Variants in ZNF638 observed in about 807,000 individuals in gnomAD.
ZNF638 encodes zinc finger protein 638.
A neutral mutation model predicts 195.6 loss-of-function variants in ZNF638; 46 were observed. The observed-to-expected ratio is 0.24, with a 90% CI of 0.19 to 0.30. The LOEUF is 0.30. Among genes scored for constraint, ZNF638 ranks in the 10% least tolerant of loss-of-function variants. The probability of loss-of-function intolerance (pLI) is 1.00; values close to 1 mark genes in which losing one functional copy is unlikely to be tolerated. For synonymous variants in ZNF638, 845 were observed against 772.0 expected (o/e 1.09, Z -1.57); for missense variants, 2,440 against 2,325.3 (o/e 1.05, Z -1.01).
intron 1 of ZNF638, among the ~76,000 whole-genome samples, chr2:71,340,964 A>G (rs2104112575): frequency 6.6e-6 from 1 of 152,334 alleles, no homozygotes; most frequent in South Asian, 2.1e-4. Flanking sequence ...TCTTTTCCTT[A>G]TAAGTCTGAT....
intron 20 of ZNF638, chr2:71,408,706 G>C: frequency 2.2e-6 from 1 of 448,028 alleles, no homozygotes; most frequent in South Asian, 1.7e-5. Context: ...GCTATGGATA[G>C]TCCACCTTTG....
At chr2:71,333,694 C>T (rs997195877) in intron 1 of ZNF638, among the ~76,000 whole-genome samples, 3 of 152,198 alleles carry the variant, frequency 2.0e-5, no homozygotes, top group Admixed American at 1.3e-4. Flanking sequence ...TCTGGATTCA[C>T]ATCTCCCTTT....
intron 17 of ZNF638, among the ~76,000 whole-genome samples, chr2:71,405,348 T>C (rs2080085594): frequency 6.6e-6 from 1 of 152,244 alleles, no homozygotes; most frequent in Non-Finnish European, 1.5e-5. Context: ...GAATGTCTTT[T>C]CTAAATGGTA....
At chr2:71,372,157 A>T (rs1475820048) in intron 8 of ZNF638, among the ~76,000 whole-genome samples, 1 of 152,108 alleles carries the variant, frequency 6.6e-6, no homozygotes, top group Non-Finnish European at 1.5e-5. Flanking sequence ...GTACCTCCCT[A>T]GGTTACATGC....
In ZNF638 at chr2:71,395,881, G is replaced by A. The variant is rs1168812702; in HGVS notation, c.2378-260G>A. 1.3e-5 allele frequency: 7 copies of A among 541,278 alleles called. No homozygotes were observed. In the East Asian group the frequency reaches 1.9e-4, roughly 15 times the overall value. 33.5% of individuals were successfully genotyped at this position (541,278 alleles called of 1,614,324 possible). ...GGAATAATTCCTATGCTTATGTACTGTTGATGGGAATATTAATTGGTTCAG... is the reference window on the plus strand; with the variant it reads ...GGAATAATTCCTATGCTTATGTACTATTGATGGGAATATTAATTGGTTCAG... On this transcript the variant is annotated intron_variant, in intron 10 of 27. Transcript: ENST00000264447.
At chr2:71,337,625 C>A (rs896129323) in intron 1 of ZNF638, among the ~76,000 whole-genome samples, 1 of 152,092 alleles carries the variant, frequency 6.6e-6, no homozygotes, top group East Asian at 1.9e-4. Context: ...AGGCTGGTCT[C>A]GAACTCCTGA....
rs111236996 is a variant in ZNF638 at position 71,406,082 on chromosome 2, T to C, written c.3001-46T>C. The C allele has an allele frequency of 1.2e-4, 197 of 1,605,976 alleles. 1 individual carries two copies. In the African/African-American group the frequency reaches 2.2e-3, roughly 18 times the overall value. ...AATGTTAATCTGTTTTACCGTTTGT[T>C]GCTTCAGCTGTGGTTTTTTCTGTGC... On this transcript the variant is annotated intron_variant, in intron 18 of 27. Transcript: ENST00000264447.
chr2:71,346,979 G>A (rs1467327977), intron 1 of ZNF638, among the ~76,000 whole-genome samples: 1 of 151,938 alleles, frequency 6.6e-6, no homozygotes, highest in Admixed American at 6.6e-5. Flanking sequence ...AGCCGAGATT[G>A]CGCCATTGGA....
chr2:71,342,152 T>G (rs567383209), intron 1 of ZNF638, among the ~76,000 whole-genome samples: 1 of 133,818 alleles, frequency 7.5e-6, no homozygotes, highest in Non-Finnish European at 1.5e-5. Flanking sequence ...ACCCAGGAGG[T>G]GGAGGTTTCA....
At chr2:71,366,788 T>C (rs2079208031) in intron 6 of ZNF638, among the ~76,000 whole-genome samples, 1 of 152,238 alleles carries the variant, frequency 6.6e-6, no homozygotes, top group South Asian at 2.1e-4. Context: ...GTAAAATTTA[T>C]ACTTTGGTAC....
chr2:71,392,991 G>A (rs1312669186), intron 10 of ZNF638, among the ~76,000 whole-genome samples: 1 of 152,130 alleles, frequency 6.6e-6, no homozygotes, highest in Non-Finnish European at 1.5e-5. Context: ...TTGCGTTTAT[G>A]GGGTGGCCCA....
intron 10 of ZNF638, among the ~76,000 whole-genome samples, chr2:71,389,609 A>C (rs1054280327): frequency 1.3e-4 from 20 of 152,206 alleles, no homozygotes; most frequent in African/African-American, 4.6e-4. Flanking sequence ...GCCAGTGTCC[A>C]ACAACAATTA....
rs750839888 is a variant in ZNF638 at position 71,424,678 on chromosome 2, C to T, written c.4553C>T (p.Pro1518Leu). Reference sequence around the variant, plus strand: ...TTGGCTGAGCAAAACACTAAGAATCCTAAAAGCACTACTGGTAGAAGTTCC... The same window carrying T: ...TTGGCTGAGCAAAACACTAAGAATCTTAAAAGCACTACTGGTAGAAGTTCC... The part of the protein sequence containing the change: ...KTLAEQNTKN[P>L]KSTTGRSSKS... Residue 1518 changes from proline (P) to leucine (L), a missense_variant, in exon 23 of 28, where the codon CCT becomes CTT. Transcript: ENST00000264447. 1.2e-6 allele frequency: 2 copies of T among 1,612,984 alleles called. No homozygotes were observed. The highest frequency in any genetic ancestry group is 1.7e-6 in the Non-Finnish European group (2 of 1,179,674).
At chr2:71,400,009 A>G in intron 13 of ZNF638, 103 bp from the exon 14 acceptor site, 4 of 917,760 alleles carry the variant, frequency 4.4e-6, no homozygotes, top group Non-Finnish European at 6.4e-6. Flanking sequence ...AGGTCAGCCT[A>G]AGGAGACTTG....
Position 71,426,734 on chromosome 2 carries a change from A to G in ZNF638, c.4865A>G (p.Asp1622Gly), listed in dbSNP as rs370079737. 1 of 1,614,054 alleles carries G rather than the reference A, an allele frequency of 6.2e-7. No individual in the cohort carries two copies. Among genetic ancestry groups the G allele is most frequent in the African/African-American group, 1.3e-5 (1 of 74,940 alleles). ...AHLAQALVTV[D>G]EVIDEEELNM... ...CTAGCACAAGCTCTAGTCACTGTGG[A>G]TGAAGTAATTGATGAAGAAGAACTA... Residue 1622 changes from aspartate to glycine, a missense_variant, in exon 24 of 28, where the codon GAT becomes GGT. By Grantham distance (94) the Asp-to-Gly change is moderately conservative. This residue lies in a region of ZNF638 where 1,883 missense variants were observed against 1,739.1 expected (regional missense o/e 1.08). Coordinates refer to ENST00000264447, the MANE Select transcript of ZNF638 (RefSeq NM_014497.5).
chr2:71,398,349 A>G (rs1431078779), intron 11 of ZNF638, among the ~76,000 whole-genome samples: 1 of 152,116 alleles, frequency 6.6e-6, no homozygotes, highest in Non-Finnish European at 1.5e-5. Context: ...TTTGTGCATG[A>G]AACAGTTTTT....
intron 10 of ZNF638, among the ~76,000 whole-genome samples, chr2:71,387,574 G>A (rs2079668105): frequency 6.6e-6 from 1 of 151,952 alleles, no homozygotes; most frequent in Admixed American, 6.6e-5. Flanking sequence ...AGGAGGCTGA[G>A]GCAGGAGAAT....
chr2:71,368,717 C>T (rs984634501), intron 7 of ZNF638, among the ~76,000 whole-genome samples, 189 bp downstream of exon 7: 1 of 152,086 alleles, frequency 6.6e-6, no homozygotes, highest in Admixed American at 6.5e-5. Flanking sequence ...AAGTGTTTGC[C>T]CACTTTTTCT....
intron 23 of ZNF638, 41 bp downstream of exon 23, chr2:71,424,756 T>C: frequency 6.8e-7 from 1 of 1,481,362 alleles, no homozygotes; most frequent in Non-Finnish European, 9.3e-7. Context: ...CTTTTTCATC[T>C]CCATAGCACA....
Sources: gnomAD v4.1 joint callset for allele counts (sites outside exome capture counted in the v4.1 genomes callset) on GRCh38, gnomAD v4.1.1 for gene constraint, gnomAD v4.1.1 regional missense constraint, MANE v1.5 for transcripts, NCBI Gene and HGNC (gene_info 2026-07-23, HGNC 2026-07-21) for gene names.